Variants in LINGO2 observed in about 807,000 individuals in gnomAD.
The protein encoded by LINGO2 is leucine-rich repeat and immunoglobulin-like domain-containing nogo receptor-interacting protein 2.
A neutral mutation model predicts 30.6 loss-of-function variants in LINGO2; 14 were observed. The observed-to-expected ratio is 0.46, with a 90% confidence interval of 0.30 to 0.72. The LOEUF (loss-of-function observed/expected upper bound fraction) is 0.72, where lower values mean the gene tolerates loss of function less well. Ranked by LOEUF, LINGO2 falls within the 30% of genes least tolerant of loss-of-function variation. LINGO2 has a pLI of 0.07. For synonymous variants in LINGO2, 317 were observed against 288.5 expected, an observed-to-expected ratio of 1.10 and a Z score of -1.00; for missense variants, 729 against 751.7, an observed-to-expected ratio of 0.97 and a Z score of 0.35.
intron 2 of LINGO2, among the ~76,000 whole-genome samples, chr9:28,449,701 T>G (rs1788069395): frequency 6.6e-6 from 1 of 152,062 alleles, no homozygotes; most frequent in African/African-American, 2.4e-5. Flanking sequence ...AAAGGCAGAC[T>G]TGGAATGTTT....
chr9:28,354,871 A>T (rs982542381), intron 3 of LINGO2, among the ~76,000 whole-genome samples: 29 of 152,272 alleles, frequency 1.9e-4, no homozygotes, highest in African/African-American at 7.0e-4. Context: ...AGCCAAATAA[A>T]ACCTAGTGAT....
chr9:28,873,201 T>C, the LINGO2 span, among the ~76,000 whole-genome samples: 1 of 151,768 alleles, frequency 6.6e-6, no homozygotes, highest in Admixed American at 6.6e-5. Context: ...AAACCTCGTC[T>C]CTACTAAAAA....
At chr9:27,984,664 C>A (rs1004785868) in intron 5 of LINGO2, among the ~76,000 whole-genome samples, 1 of 151,736 alleles carries the variant, frequency 6.6e-6, no homozygotes, top group African/African-American at 2.4e-5. Flanking sequence ...GTGTTCCTAG[C>A]TCTGGAGTAG....
chr9:28,841,542 A>G, the LINGO2 span, among the ~76,000 whole-genome samples: 6 of 151,844 alleles, frequency 4.0e-5, no homozygotes, highest in Non-Finnish European at 8.8e-5. Flanking sequence ...GGGAGTTTAC[A>G]TTCTAGTTTG....
At chr9:28,748,866 T>A in the LINGO2 span, among the ~76,000 whole-genome samples, 7 of 151,988 alleles carry the variant, frequency 4.6e-5, no homozygotes, top group East Asian at 1.9e-4. Context: ...AAAACAAAAA[T>A]TGATAAAGAA....
chr9:28,104,336 G>C (rs76107807), intron 4 of LINGO2, among the ~76,000 whole-genome samples: 1 of 126,342 alleles, frequency 7.9e-6, no homozygotes, highest in African/African-American at 2.9e-5. Flanking sequence ...TGATGTATAA[G>C]TGTAACAGTT....
chr9:29,188,014 C>CTT, the LINGO2 span, among the ~76,000 whole-genome samples: 114 of 75,762 alleles, frequency 1.5e-3, no homozygotes, highest in African/African-American at 3.1e-3. Context: ...TTGACAGAGT[C>CTT]TTTTTTTTTT....
At chr9:28,016,682 T>TAAAAAA (rs72138034) in intron 4 of LINGO2, among the ~76,000 whole-genome samples, 2 of 115,330 alleles carry the variant, frequency 1.7e-5, no homozygotes, top group Admixed American at 8.6e-5. Context: ...ATTAAACCAG[T>TAAAAAA]AAAAAAAAAA....
chr9:27,962,198 G>A (rs1298903045), intron 5 of LINGO2, among the ~76,000 whole-genome samples: 1 of 152,120 alleles, frequency 6.6e-6, no homozygotes, highest in African/African-American at 2.4e-5. Flanking sequence ...GGTAAAGTGC[G>A]AGTCGTTTTT....
At chr9:28,243,793 G>C (rs1310430211) in intron 4 of LINGO2, among the ~76,000 whole-genome samples, 1 of 152,104 alleles carries the variant, frequency 6.6e-6, no homozygotes, top group Non-Finnish European at 1.5e-5. Flanking sequence ...AAATATATAT[G>C]CACCCAATAC....
chr9:28,943,829 T>A, the LINGO2 span, among the ~76,000 whole-genome samples: 2 of 152,302 alleles, frequency 1.3e-5, no homozygotes, highest in East Asian at 1.9e-4. Context: ...GGTACATGTA[T>A]AATATCTAGG....
chr9:28,521,058 C>A (rs911578761), intron 1 of LINGO2, among the ~76,000 whole-genome samples: 3 of 152,004 alleles, frequency 2.0e-5, no homozygotes, highest in African/African-American at 7.3e-5. Context: ...TTTGTCTTCC[C>A]CTTTGAGAGT....
At chr9:28,434,964 C>G (rs1185756970) in intron 2 of LINGO2, among the ~76,000 whole-genome samples, 1 of 152,122 alleles carries the variant, frequency 6.6e-6, no homozygotes, top group Non-Finnish European at 1.5e-5. Flanking sequence ...TCTCAATCGA[C>G]TATAACCTCT....
At chr9:28,262,767 T>C (rs1822609599) in intron 4 of LINGO2, among the ~76,000 whole-genome samples, 1 of 151,970 alleles carries the variant, frequency 6.6e-6, no homozygotes, top group Admixed American at 6.6e-5. Flanking sequence ...TAAGTTCTTA[T>C]ATATAGGGGA....
chr9:28,817,232 TAAGATA>T, the LINGO2 span, among the ~76,000 whole-genome samples: 1 of 125,070 alleles, frequency 8.0e-6, no homozygotes, highest in South Asian at 2.7e-4. Flanking sequence ...GGATTTGACT[TAAGATA>T]AAAAAAAAAG....
At chr9:28,771,902 A>C in the LINGO2 span, among the ~76,000 whole-genome samples, 1 of 152,150 alleles carries the variant, frequency 6.6e-6, no homozygotes, top group African/African-American at 2.4e-5. Context: ...AACATATCAC[A>C]GCATTTATCA....
chr9:28,515,143 T>C (rs1820567238), intron 1 of LINGO2, among the ~76,000 whole-genome samples: 1 of 152,158 alleles, frequency 6.6e-6, no homozygotes, highest in Non-Finnish European at 1.5e-5. Flanking sequence ...ACAACATCCA[T>C]TCTGCAGTCC....
chr9:29,023,017 A>AT, the LINGO2 span, among the ~76,000 whole-genome samples: 3 of 151,606 alleles, frequency 2.0e-5, no homozygotes, highest in African/African-American at 4.8e-5. Flanking sequence ...GAAATGCCTC[A>AT]TTTTTTAGTA....
At chr9:29,068,049 G>A in the LINGO2 span, among the ~76,000 whole-genome samples, 1 of 151,864 alleles carries the variant, frequency 6.6e-6, no homozygotes, top group Non-Finnish European at 1.5e-5. Context: ...CAAAATGAAA[G>A]AGCATGAGAC....
Sources: allele counts gnomAD v4.1 joint callset (sites outside exome capture counted in the v4.1 genomes callset), GRCh38; gene constraint gnomAD v4.1.1; transcripts MANE v1.5; gene names NCBI Gene and HGNC (gene_info 2026-07-23, HGNC 2026-07-21).